Variants in TMC7 observed in about 807,000 individuals in gnomAD.
The protein encoded by TMC7 is transmembrane channel like 7.
Under a neutral mutation model 82.9 loss-of-function variants are expected in TMC7, and 54 were observed. That is an observed-to-expected ratio of 0.65 (90% CI 0.52 to 0.82). The LOEUF (loss-of-function observed/expected upper bound fraction) is 0.82, where lower values mean the gene tolerates loss of function less well. Among genes scored for constraint, TMC7 ranks in the 40% least tolerant of loss-of-function variants. The pLI is 0.00. For synonymous variants in TMC7, 350 were observed against 337.9 expected, an observed-to-expected ratio of 1.04 and a Z score of -0.39; for missense variants, 820 against 901.2, an observed-to-expected ratio of 0.91 and a Z score of 1.15.
intron 13 of TMC7, among the ~76,000 whole-genome samples, chr16:19,053,654 C>T (rs1031924440): frequency 1.3e-5 from 2 of 152,128 alleles, no homozygotes; most frequent in South Asian, 2.1e-4. Flanking sequence ...CTGACTGCCT[C>T]GGTCTCCCAA....
chr16:19,029,244 A>T (rs1960388243), intron 5 of TMC7, among the ~76,000 whole-genome samples: 1 of 151,390 alleles, frequency 6.6e-6, no homozygotes, highest in Non-Finnish European at 1.5e-5. Context: ...TGACCTTGTG[A>T]TCTATCCGCC....
intron 8 of TMC7, among the ~76,000 whole-genome samples, 174 bp from the exon 9 acceptor site, chr16:19,040,115 C>CAAAAAAA (rs55719597): frequency 1.5e-5 from 1 of 67,090 alleles, no homozygotes; most frequent in Admixed American, 2.4e-4. Context: ...GACTCCATCT[C>CAAAAAAA]AAAAAAAAAA....
In TMC7 at chr16:19,023,053, C is replaced by A. The variant is rs1037035665; in HGVS notation, c.629-60C>A. On this transcript the variant is annotated intron_variant, in intron 4 of 15. Transcript: ENST00000304381. ...CAAACAAACAAACAAACAAAAAAAC[C>A]AGGCAGGTTATAGAGACTAAAACTG... 134 of 1,039,768 alleles carry A rather than the reference C, an allele frequency of 1.3e-4. 1 individual carries two copies. Among genetic ancestry groups the A allele is most frequent in the Non-Finnish European group, 1.7e-4 (118 of 696,200 alleles). 64.4% of individuals were successfully genotyped at this position (1,039,768 alleles called of 1,614,324 possible).
intron 11 of TMC7, 136 bp downstream of exon 11, chr16:19,045,574 T>TGACAACTG (rs1961235337): frequency 1.2e-5 from 7 of 564,330 alleles, no homozygotes; most frequent in Non-Finnish European, 2.2e-5. Flanking sequence ...CCTGGAAATC[T>TGACAACTG]GACAACTGGT....
rs1443618836 is a variant in TMC7 at position 19,050,946 on chromosome 16, G to A, written c.1741-740G>A. Reference sequence around the variant, plus strand: ...CTGTTGCCCAAGCTGGAATGCAATGGCATGATCATAGCTCACTGCAGCCTC... The same window carrying A: ...CTGTTGCCCAAGCTGGAATGCAATGACATGATCATAGCTCACTGCAGCCTC... On this transcript the variant is annotated intron_variant, in intron 12 of 15. Coordinates refer to ENST00000304381, the MANE Select transcript of TMC7 (RefSeq NM_024847.4). Among the ~76,000 whole-genome samples the A allele has an allele frequency of 2.0e-5, 3 of 151,670 alleles. No homozygotes were observed. In the East Asian group the frequency reaches 5.8e-4, roughly 29 times the overall value.
At position 19,041,746 on chromosome 16, in the gene TMC7, C is replaced by T. The variant is rs376428033; in HGVS notation, c.1337+1300C>T. On this transcript the variant is annotated intron_variant, in intron 9 of 15. Transcript: ENST00000304381. ...TCACACCTAATAAAATTGAGGCGGT[C>T]TCCCCAGTGGGGTTGCAGATGGTTT... is the stretch of plus-strand genomic sequence containing the variant. Among the ~76,000 whole-genome samples, 4 of 152,290 alleles carry T rather than the reference C, an allele frequency of 2.6e-5. No individual in the cohort carries two copies. The South Asian group carries it at 8.3e-4, about 32-fold the overall frequency.
chr16:18,996,796 G>A (rs191946808), intron 1 of TMC7, among the ~76,000 whole-genome samples: 1 of 152,318 alleles, frequency 6.6e-6, no homozygotes, highest in Admixed American at 6.5e-5. Context: ...GGGAATGTGG[G>A]TGAATGACCA....
chr16:19,020,068 T>A (rs1959892272), intron 3 of TMC7, among the ~76,000 whole-genome samples: 1 of 152,140 alleles, frequency 6.6e-6, no homozygotes, highest in Non-Finnish European at 1.5e-5. Flanking sequence ...TCAATCGATG[T>A]AATTCACCAC....
chr16:19,005,754 G>GCTTA (rs1400780254), intron 1 of TMC7, among the ~76,000 whole-genome samples: 1 of 152,130 alleles, frequency 6.6e-6, no homozygotes. Flanking sequence ...TCCATGCAGG[G>GCTTA]CTTAGACCCT....
chr16:19,006,881 A>G (rs2039249344), intron 1 of TMC7, among the ~76,000 whole-genome samples: 1 of 151,928 alleles, frequency 6.6e-6, no homozygotes, highest in African/African-American at 2.4e-5. Flanking sequence ...TAGTGGTCCA[A>G]TTTCGGCTCA....
chr16:19,053,480 C>T (rs1261551785), intron 13 of TMC7, among the ~76,000 whole-genome samples: 6 of 151,734 alleles, frequency 4.0e-5, no homozygotes, highest in African/African-American at 7.2e-5. Context: ...CTTGGCTCAC[C>T]GCAACCTCTG....
At chr16:19,031,705 C>T (rs1171512873) in intron 6 of TMC7, among the ~76,000 whole-genome samples, 1 of 152,052 alleles carries the variant, frequency 6.6e-6, no homozygotes, top group Non-Finnish European at 1.5e-5. Context: ...AAAACAAAAC[C>T]TGTATTTCTC....
intron 15 of TMC7, chr16:19,059,994 A>C: frequency 6.6e-6 from 2 of 301,286 alleles, no homozygotes; most frequent in Non-Finnish European, 1.3e-5. Flanking sequence ...AAAATAAAAA[A>C]AGATGTGTAT....
intron 1 of TMC7, among the ~76,000 whole-genome samples, chr16:18,997,333 C>T (rs1345366066): frequency 6.6e-6 from 1 of 152,214 alleles, no homozygotes; most frequent in Non-Finnish European, 1.5e-5. Context: ...GCCTTGGCCT[C>T]TCAAAGTGCT....
intron 12 of TMC7, among the ~76,000 whole-genome samples, 181 bp from the exon 13 acceptor site, chr16:19,051,505 T>C (rs925084335): frequency 1.7e-4 from 26 of 151,918 alleles, no homozygotes; most frequent in Non-Finnish European, 3.8e-4. Context: ...ATGCGGTGTT[T>C]GGTTTTTTGT....
At chr16:19,000,465 ACT>A (rs1273535794) in intron 1 of TMC7, among the ~76,000 whole-genome samples, 2 of 152,134 alleles carry the variant, frequency 1.3e-5, no homozygotes, top group Admixed American at 6.6e-5. Flanking sequence ...ACAGAGCAAG[ACT>A]CTGTCTCAAA....
At chr16:19,013,734 G>A (rs1350623842) in intron 2 of TMC7, among the ~76,000 whole-genome samples, 2 of 151,556 alleles carry the variant, frequency 1.3e-5, no homozygotes, top group Admixed American at 6.6e-5. Flanking sequence ...GGTTAGGCTC[G>A]TCTGGAATTC....
At chr16:19,021,239 A>C (rs1490985792) in intron 3 of TMC7, among the ~76,000 whole-genome samples, 2 of 152,358 alleles carry the variant, frequency 1.3e-5, no homozygotes, top group South Asian at 2.1e-4. Context: ...ACAGTCTAGC[A>C]TTGGTGTAAG....
intron 11 of TMC7, among the ~76,000 whole-genome samples, 153 bp downstream of exon 11, chr16:19,045,591 CTTTTTTTTTTTTT>C (rs58444252): frequency 4.0e-4 from 31 of 77,768 alleles, no homozygotes; most frequent in Admixed American, 6.6e-4. Flanking sequence ...TGGTAACTTT[CTTTTTTTTTTTTT>C]TTTTTTTTTT....
Sources: gnomAD v4.1 joint callset for allele counts (sites outside exome capture counted in the v4.1 genomes callset) on GRCh38, gnomAD v4.1.1 for gene constraint, MANE v1.5 for transcripts, NCBI Gene and HGNC (gene_info 2026-07-23, HGNC 2026-07-21) for gene names.